Variants in C3orf49 observed in about 807,000 individuals in gnomAD.
C3orf49 encodes the protein chromosome 3 open reading frame 49.
A neutral mutation model predicts 13.3 loss-of-function variants in C3orf49; 27 were observed. The observed-to-expected ratio is 2.02, with a 90% confidence interval of 1.49 to 2.79. The LOEUF (loss-of-function observed/expected upper bound fraction) is 2.79, where lower values mean the gene tolerates loss of function less well. Ranked by LOEUF, C3orf49 falls within the 30% of genes most tolerant of loss-of-function variation. The pLI is 0.00. For synonymous variants in C3orf49, 87 were observed against 47.6 expected (o/e 1.83, Z -3.40); for missense variants, 242 against 134.2 (o/e 1.80, Z -3.97).
the C3orf49 span, among the ~76,000 whole-genome samples, chr3:63,807,718 G>A: frequency 2.0e-5 from 3 of 151,562 alleles, no homozygotes; most frequent in Admixed American, 1.3e-4. Context: ...TTAGTCGGGC[G>A]TGGTGGTGGG....
At chr3:63,835,197 A>G (rs771028360) in intron 5 of C3orf49, 2 of 1,613,748 alleles carry the variant, frequency 1.2e-6, no homozygotes, top group South Asian at 1.1e-5. Context: ...TAAGAAGAAC[A>G]TGAAACTGTT....
At chr3:63,807,640 G>A in the C3orf49 span, among the ~76,000 whole-genome samples, 1 of 151,988 alleles carries the variant, frequency 6.6e-6, no homozygotes, top group African/African-American at 2.4e-5. Flanking sequence ...TGGATCACCT[G>A]AGGTCTGGGA....
At chr3:63,818,108 C>T (rs182688959), upstream of C3orf49, among the ~76,000 whole-genome samples, 161 of 152,256 alleles carry the variant, frequency 1.1e-3, 1 homozygote, top group Middle Eastern at 0.014. Flanking sequence ...AAATAAGGGA[C>T]AGAGGAACAT....
chr3:63,804,493 C>T, the C3orf49 span, among the ~76,000 whole-genome samples: 1 of 152,118 alleles, frequency 6.6e-6, no homozygotes, highest in South Asian at 2.1e-4. Flanking sequence ...AGGGACTTCG[C>T]ACATGCTGCT....
the C3orf49 span, among the ~76,000 whole-genome samples, chr3:63,793,744 T>C: frequency 1.3e-5 from 2 of 152,188 alleles, no homozygotes; most frequent in South Asian, 2.1e-4. Context: ...TACCAAAATA[T>C]ATGGGCAATC....
At chr3:63,825,552 G>A (rs957117551) in intron 2 of C3orf49, among the ~76,000 whole-genome samples, 3 of 152,088 alleles carry the variant, frequency 2.0e-5, no homozygotes, top group African/African-American at 4.8e-5. Context: ...TCTGTGCACT[G>A]GTTTATTTTT....
intron 3 of C3orf49, among the ~76,000 whole-genome samples, chr3:63,829,944 C>A (rs545716915): frequency 6.6e-6 from 1 of 152,272 alleles, no homozygotes; most frequent in East Asian, 1.9e-4. Context: ...CCAGCCTGGA[C>A]AACAGAGTGA....
the C3orf49 span, among the ~76,000 whole-genome samples, chr3:63,797,163 T>A: frequency 6.6e-6 from 1 of 152,118 alleles, no homozygotes; most frequent in African/African-American, 2.4e-5. Context: ...CTGCTGTAAT[T>A]CTTATCCTGT....
chr3:63,793,282 C>T, the C3orf49 span, among the ~76,000 whole-genome samples: 6 of 152,184 alleles, frequency 3.9e-5, no homozygotes, highest in African/African-American at 1.4e-4. Context: ...ATCCATCATA[C>T]CTCACATATC....
intron 4 of C3orf49, among the ~76,000 whole-genome samples, 183 bp from the exon 5 acceptor site, chr3:63,831,497 C>T (rs1237139221): frequency 1.3e-5 from 2 of 152,136 alleles, no homozygotes; most frequent in Non-Finnish European, 2.9e-5. Flanking sequence ...TTGTCTTTAT[C>T]ACTGGGTGGT....
chr3:63,821,228 TGA>T (rs1701390028), intron 1 of C3orf49, among the ~76,000 whole-genome samples: 1 of 152,202 alleles, frequency 6.6e-6, no homozygotes, highest in Non-Finnish European at 1.5e-5. Flanking sequence ...AGGCTGTCAC[TGA>T]ACCACTTCCC....
the C3orf49 span, among the ~76,000 whole-genome samples, chr3:63,812,715 GA>G: frequency 3.3e-5 from 5 of 151,796 alleles, no homozygotes; most frequent in East Asian, 1.9e-4. Context: ...CATAATGAGA[GA>G]AAAAAAATTT....
the C3orf49 span, among the ~76,000 whole-genome samples, chr3:63,793,562 G>A: frequency 1.0e-4 from 15 of 146,568 alleles, no homozygotes; most frequent in African/African-American, 3.8e-4. Context: ...CTCACTCTCT[G>A]CTGCTGGCCT....
chr3:63,844,898 T>G, intron 5 of C3orf49, 125 bp from the exon 6 acceptor site: 2 of 524,072 alleles, frequency 3.8e-6, no homozygotes, highest in Non-Finnish European at 6.9e-6. Context: ...CGGAAAATTG[T>G]ACTGGCAGTG....
chr3:63,786,208 C>T, the C3orf49 span: 2 of 152,218 alleles, frequency 1.3e-5, no homozygotes, highest in Admixed American at 6.5e-5. Context: ...CCCTGACCCC[C>T]CTCCCCTATA....
the C3orf49 span, among the ~76,000 whole-genome samples, chr3:63,783,354 A>C: frequency 6.6e-6 from 1 of 152,124 alleles, no homozygotes; most frequent in Non-Finnish European, 1.5e-5. Context: ...GACAAAAACC[A>C]CAAGTCAATC....
intron 5 of C3orf49, chr3:63,832,169 G>A (rs1701543142): frequency 9.5e-6 from 2 of 211,170 alleles, no homozygotes; most frequent in South Asian, 1.4e-4. Context: ...ACTCCAGCCT[G>A]GGCGACAGCA....
chr3:63,838,041 T>C (rs766894035), intron 5 of C3orf49: 3 of 1,609,528 alleles, frequency 1.9e-6, no homozygotes, highest in Non-Finnish European at 2.5e-6. Flanking sequence ...AATTTTTTCA[T>C]GTGCTCCAGC....
At chr3:63,823,649 A>C (rs1258312421) in intron 2 of C3orf49, 80 bp downstream of exon 2, 2 of 624,384 alleles carry the variant, frequency 3.2e-6, no homozygotes, top group Non-Finnish European at 5.7e-6. Flanking sequence ...TTGCTACACC[A>C]GTATGGCATC....
Sources: gnomAD v4.1 joint callset for allele counts (sites outside exome capture counted in the v4.1 genomes callset) on GRCh38, gnomAD v4.1.1 for gene constraint, MANE v1.5 for transcripts, NCBI Gene and HGNC (gene_info 2026-07-23, HGNC 2026-07-21) for gene names.